The following ATP10B variants were observed in gnomAD, a reference collection of about 807,000 sequenced individuals.
ATP10B encodes phospholipid-transporting ATPase VB.
In ATP10B, 122 loss-of-function variants were observed where a neutral mutation model predicts 141.2. The ratio of observed to expected loss-of-function variants is 0.86; its 90% confidence interval spans 0.75 to 1.00. The LOEUF (loss-of-function observed/expected upper bound fraction) is 1.00, where lower values mean the gene tolerates loss of function less well. Ranked by LOEUF, ATP10B falls within the 50% of genes least tolerant of loss-of-function variation. The pLI, the probability that ATP10B is intolerant of heterozygous loss-of-function variation, is 0.00. For missense variants in ATP10B, 1,876 were observed against 1,825.3 expected, an observed-to-expected ratio of 1.03 and a Z score of -0.51; for synonymous variants, 685 against 692.0, an observed-to-expected ratio of 0.99 and a Z score of 0.16.
At chr5:160,913,379 C>CA in the ATP10B span, among the ~76,000 whole-genome samples, 1,101 of 152,308 alleles carry the variant, frequency 7.2e-3, 11 homozygotes, top group African/African-American at 0.025. Context: ...TTCCCTCCTT[C>CA]AGCATTTTGT....
chr5:160,743,897 G>C (rs1439079348), intron 2 of ATP10B, among the ~76,000 whole-genome samples: 2 of 152,112 alleles, frequency 1.3e-5, no homozygotes, highest in Non-Finnish European at 2.9e-5. Flanking sequence ...GTAGTGGGCA[G>C]AAGCCAGCAA....
chr5:160,909,623 C>G, the ATP10B span, among the ~76,000 whole-genome samples: 1 of 152,190 alleles, frequency 6.6e-6, no homozygotes, highest in Non-Finnish European at 1.5e-5. Flanking sequence ...ATGTGCAGAG[C>G]CACCCACTGG....
the ATP10B span, among the ~76,000 whole-genome samples, chr5:160,872,628 A>G: frequency 2.6e-5 from 4 of 152,092 alleles, no homozygotes; most frequent in Admixed American, 1.3e-4. Flanking sequence ...TTGTTGAAAA[A>G]GGTGTCATTT....
At chr5:160,814,431 G>C (rs1410800836) in intron 1 of ATP10B, among the ~76,000 whole-genome samples, 3 of 152,030 alleles carry the variant, frequency 2.0e-5, no homozygotes, top group East Asian at 1.9e-4. Context: ...GAGAAGTTTA[G>C]AGAAAAAAGA....
intron 3 of ATP10B, among the ~76,000 whole-genome samples, chr5:160,706,097 G>A (rs1048600092): frequency 6.6e-6 from 1 of 152,216 alleles, no homozygotes; most frequent in Non-Finnish European, 1.5e-5. Context: ...CACCTTACAT[G>A]AGTGTGGTTG....
At chr5:160,814,766 A>G (rs1773468155) in intron 1 of ATP10B, among the ~76,000 whole-genome samples, 1 of 152,102 alleles carries the variant, frequency 6.6e-6, no homozygotes, top group Non-Finnish European at 1.5e-5. Context: ...AGGAAAGCCC[A>G]TCAGACTAAC....
chr5:160,673,296 G>A (rs1206265972), intron 6 of ATP10B, among the ~76,000 whole-genome samples: 1 of 152,036 alleles, frequency 6.6e-6, no homozygotes, highest in Non-Finnish European at 1.5e-5. Context: ...ATTTTTGCGG[G>A]TGCATAGTAG....
chr5:160,870,935 T>C, the ATP10B span, among the ~76,000 whole-genome samples: 1 of 89,400 alleles, frequency 1.1e-5, no homozygotes, highest in African/African-American at 3.6e-5. Flanking sequence ...ATATTTAACA[T>C]GTTGAGAAAA....
At position 160,565,660 on chromosome 5, in the gene ATP10B, C is replaced by T. The variant is rs201155421; in HGVS notation, c.4179G>A (p.Val1393=). The T allele has an allele frequency of 1.3e-4, 215 of 1,613,998 alleles. No individual in the cohort carries two copies. The highest frequency in any genetic ancestry group is 1.7e-4 in the Non-Finnish European group (202 of 1,179,984). ...KSSNPPKRKH[V]EESVLHEQRC... is the part of the protein sequence containing the mutation. ...TCTGTTCGTGGAGTACTGACTCTTC[C>T]ACATGCTTCCTCTTGGGAGGGTTAG... The change falls in exon 26 of 26, where the codon GTG becomes GTA. Residue 1393 remains valine, a synonymous_variant. Coordinates refer to ENST00000327245, the MANE Select transcript of ATP10B (RefSeq NM_025153.3).
intron 18 of ATP10B, among the ~76,000 whole-genome samples, chr5:160,609,381 A>AT (rs11341335): frequency 0.027 from 3,795 of 143,174 alleles, 148 homozygotes; most frequent in African/African-American, 0.088. Flanking sequence ...GCCATAACTT[A>AT]TTTTTTTTTT....
At chr5:160,727,774 CA>C (rs1766460803) in intron 2 of ATP10B, among the ~76,000 whole-genome samples, 1 of 152,118 alleles carries the variant, frequency 6.6e-6, no homozygotes, top group Admixed American at 6.5e-5. Context: ...CTGAGTCATG[CA>C]ACACCCTCTT....
intron 2 of ATP10B, among the ~76,000 whole-genome samples, chr5:160,767,864 T>C (rs1013463112): frequency 6.6e-6 from 1 of 152,120 alleles, no homozygotes; most frequent in Non-Finnish European, 1.5e-5. Context: ...TCCTTGGTAA[T>C]TTTTCCATAT....
intron 24 of ATP10B, among the ~76,000 whole-genome samples, chr5:160,585,709 T>C (rs1755839426): frequency 6.6e-6 from 1 of 152,232 alleles, no homozygotes; most frequent in Admixed American, 6.5e-5. Flanking sequence ...CAGCAGTAGA[T>C]GGGGTTCCAG....
intron 2 of ATP10B, among the ~76,000 whole-genome samples, chr5:160,768,872 G>T (rs977441294): frequency 6.6e-6 from 1 of 152,188 alleles, no homozygotes; most frequent in Non-Finnish European, 1.5e-5. Flanking sequence ...TGGACACTGG[G>T]AGAGGTACTG....
intron 22 of ATP10B, 130 bp downstream of exon 22, chr5:160,598,640 A>C (rs192740277): frequency 1.2e-6 from 1 of 811,986 alleles, no homozygotes; most frequent in African/African-American, 1.7e-5. Context: ...CTCAAAGTAA[A>C]TGATGGAACA....
the ATP10B span, among the ~76,000 whole-genome samples, chr5:160,913,271 C>T: frequency 1.3e-5 from 2 of 152,170 alleles, no homozygotes; most frequent in Admixed American, 1.3e-4. Flanking sequence ...GGACCGGCTG[C>T]TCCCTGTTGC....
chr5:160,652,911 ATGT>A (rs1738916332), intron 7 of ATP10B, among the ~76,000 whole-genome samples: 5 of 68,294 alleles, frequency 7.3e-5, no homozygotes, highest in African/African-American at 3.9e-4. Context: ...TTATATATAC[ATGT>A]ATATATAATA....
chr5:160,615,157 T>C (rs1296903481), intron 17 of ATP10B, among the ~76,000 whole-genome samples: 2 of 152,156 alleles, frequency 1.3e-5, no homozygotes, highest in Non-Finnish European at 2.9e-5. Context: ...TCCAAACCTT[T>C]AGCAGCTGAT....
At chr5:160,742,074 T>C (rs1767517449) in intron 2 of ATP10B, among the ~76,000 whole-genome samples, 1 of 152,226 alleles carries the variant, frequency 6.6e-6, no homozygotes, top group Admixed American at 6.5e-5. Context: ...TGATTTGTAA[T>C]TTTGAGCAAC....
Sources: gnomAD v4.1 joint callset for allele counts (sites outside exome capture counted in the v4.1 genomes callset) on GRCh38, gnomAD v4.1.1 for gene constraint, MANE v1.5 for transcripts, NCBI Gene and HGNC (gene_info 2026-07-23, HGNC 2026-07-21) for gene names.